TGFA: variants seen among roughly 807,000 people sequenced by gnomAD.
TGFA encodes the protein transforming growth factor alpha, also known as protransforming growth factor alpha.
TGFA carries 12 observed loss-of-function variants against 21.7 expected under a neutral mutation model. That is an observed-to-expected ratio of 0.55 (90% CI 0.35 to 0.90). TGFA has a LOEUF of 0.90. Among genes scored for constraint, TGFA ranks in the 40% least tolerant of loss-of-function variants. The probability of loss-of-function intolerance (pLI) is 0.01; values close to 1 mark genes in which losing one functional copy is unlikely to be tolerated. For synonymous variants in TGFA, 79 were observed against 88.1 expected (o/e 0.90, Z 0.58); for missense variants, 178 against 210.8 (o/e 0.84, Z 0.96).
intron 1 of TGFA, among the ~76,000 whole-genome samples, chr2:70,547,579 A>C (rs1553506112): frequency 6.7e-6 from 1 of 149,952 alleles, no homozygotes; most frequent in African/African-American, 2.4e-5. Flanking sequence ...ACAAACAAAA[A>C]CTATTATGAA....
intron 2 of TGFA, among the ~76,000 whole-genome samples, chr2:70,484,718 A>T (rs782196397): frequency 5.3e-5 from 8 of 152,200 alleles, no homozygotes; most frequent in Admixed American, 6.5e-5. Flanking sequence ...TTCTGTTCTG[A>T]GATAGAATCT....
At chr2:70,548,615 C>T (rs868961330) in intron 1 of TGFA, among the ~76,000 whole-genome samples, 2 of 152,208 alleles carry the variant, frequency 1.3e-5, no homozygotes. Flanking sequence ...GCATAGAACT[C>T]ACTTGATTAG....
At chr2:70,493,435 C>T (rs1327935834) in intron 2 of TGFA, among the ~76,000 whole-genome samples, 7 of 152,166 alleles carry the variant, frequency 4.6e-5, no homozygotes, top group Admixed American at 2.6e-4. Flanking sequence ...TCTTTCAGGA[C>T]ATCTTTGCAG....
At chr2:70,521,321 T>C (rs550884015) in intron 1 of TGFA, among the ~76,000 whole-genome samples, 1 of 152,280 alleles carries the variant, frequency 6.6e-6, no homozygotes, top group Admixed American at 6.5e-5. Flanking sequence ...TGACCCCAGC[T>C]GCCCAGCACT....
chr2:70,476,458 C>A (rs1361234687), intron 2 of TGFA, among the ~76,000 whole-genome samples: 2 of 152,194 alleles, frequency 1.3e-5, no homozygotes, highest in Admixed American at 1.3e-4. Flanking sequence ...GAGCCCAGGG[C>A]TACCTGCCTT....
At chr2:70,471,764 G>A (rs1401360107) in intron 2 of TGFA, among the ~76,000 whole-genome samples, 1 of 152,152 alleles carries the variant, frequency 6.6e-6, no homozygotes, top group East Asian at 1.9e-4. Context: ...TTTAACCTAA[G>A]TAGTCTCCAT....
rs1411277926 is a variant in TGFA at position 70,448,248 on chromosome 2, G to T, written c.*2611C>A. The T allele has an allele frequency of 1.3e-5, 2 of 152,278 alleles. No individual in the cohort carries two copies. Among genetic ancestry groups the T allele is most frequent in the East Asian group, 3.9e-4 (2 of 5,178 alleles). The allele number at this position is 152,278 out of a possible 1,614,324, so 9.4% of individuals were successfully genotyped here. On this transcript the variant is annotated 3_prime_UTR_variant, in exon 6 of 6. Coordinates refer to ENST00000295400, the MANE Select transcript of TGFA (RefSeq NM_003236.4). ...TTTCCTGTCAGGATGCTTAAAAAAA[G>T]TCACAGCCTGTAGAGCAGTGGGAAA... is the stretch of plus-strand genomic sequence containing the variant.
intron 1 of TGFA, among the ~76,000 whole-genome samples, chr2:70,550,155 A>G (rs1034098221): frequency 6.6e-6 from 1 of 152,232 alleles, no homozygotes; most frequent in African/African-American, 2.4e-5. Context: ...CTATGACATC[A>G]TTCTTTAGGT....
intron 1 of TGFA, among the ~76,000 whole-genome samples, chr2:70,551,558 G>A (rs1286212596): frequency 6.6e-6 from 1 of 152,174 alleles, no homozygotes; most frequent in African/African-American, 2.4e-5. Context: ...AAAAATCAGA[G>A]GGGAAAGCAG....
chr2:70,510,165 T>G lies in TGFA; in HGVS notation c.94+4694A>C, dbSNP rs112367872. Among the ~76,000 whole-genome samples the G allele has an allele frequency of 5.5e-3, 833 of 152,338 alleles. 14 individuals carry two copies. The highest frequency in any genetic ancestry group is 0.019 in the African/African-American group (796 of 41,568). Reference sequence around the variant, plus strand: ...TGACACATTCCCCCACGGGTTCCCATGCTGTCTTTTCTCACCTGCATGGGA... The same window carrying G: ...TGACACATTCCCCCACGGGTTCCCAGGCTGTCTTTTCTCACCTGCATGGGA... On this transcript the variant is annotated intron_variant, in intron 2 of 5. Coordinates refer to ENST00000295400, the MANE Select transcript of TGFA (RefSeq NM_003236.4).
chr2:70,471,139 A>C (rs1553493152), intron 2 of TGFA, among the ~76,000 whole-genome samples: 1 of 147,152 alleles, frequency 6.8e-6, no homozygotes, highest in Non-Finnish European at 1.5e-5. Flanking sequence ...AAACTTCTTA[A>C]AAACAAGCAT....
Position 70,473,617 on chromosome 2 carries a change from T to G in TGFA, c.95-7881A>C, listed in dbSNP as rs75988995. ...ACGGAAAGGGAATCCCTGTCACATT[T>G]ACAGTAGGAAATTGATCTCAAGTGT... is the stretch of plus-strand genomic sequence containing the variant. On this transcript the variant is annotated intron_variant, in intron 2 of 5. Transcript: ENST00000295400. Among the ~76,000 whole-genome samples the G allele has an allele frequency of 2.8e-3, 431 of 152,104 alleles. 3 individuals carry two copies. Among genetic ancestry groups the G allele is most frequent in the African/African-American group, 1.0e-2 (414 of 41,466 alleles).
At chr2:70,531,261 G>T (rs1323369157) in intron 1 of TGFA, among the ~76,000 whole-genome samples, 2 of 152,206 alleles carry the variant, frequency 1.3e-5, no homozygotes, top group East Asian at 3.9e-4. Context: ...TACTTCGAGG[G>T]GAGGCAGACA....
chr2:70,498,694 G>A (rs1291855538), intron 2 of TGFA, among the ~76,000 whole-genome samples: 1 of 152,078 alleles, frequency 6.6e-6, no homozygotes, highest in Non-Finnish European at 1.5e-5. Flanking sequence ...ATACATATAT[G>A]ACAGCTTGCA....
chr2:70,544,236 C>T (rs1359307665), intron 1 of TGFA, among the ~76,000 whole-genome samples: 2 of 151,796 alleles, frequency 1.3e-5, no homozygotes, highest in Non-Finnish European at 2.9e-5. Flanking sequence ...TATCTACTGC[C>T]TTTTAAGAAA....
intron 1 of TGFA, among the ~76,000 whole-genome samples, chr2:70,538,965 T>G (rs1673053082): frequency 6.6e-6 from 1 of 152,214 alleles, no homozygotes; most frequent in African/African-American, 2.4e-5. Context: ...TTTAAGAAAT[T>G]GCTCCAGTTA....
intron 1 of TGFA, among the ~76,000 whole-genome samples, chr2:70,535,404 A>G (rs1253025096): frequency 4.6e-5 from 7 of 152,228 alleles, no homozygotes; most frequent in Admixed American, 2.6e-4. Context: ...AATCCACAAA[A>G]TAAATCACCA....
chr2:70,469,251 G>A (rs554519299), intron 2 of TGFA, among the ~76,000 whole-genome samples: 2 of 152,192 alleles, frequency 1.3e-5, no homozygotes, highest in Admixed American at 1.3e-4. Flanking sequence ...AACTTGCTAG[G>A]TGATTTTTTA....
chr2:70,473,104 T>C (rs3755385), intron 2 of TGFA, among the ~76,000 whole-genome samples: 83,411 of 151,910 alleles, frequency 0.55, 23,259 homozygotes, highest in African/African-American at 0.64. Context: ...CATTCCACCC[T>C]GAGGCCAGGC....
Sources: gnomAD v4.1 joint callset for allele counts (sites outside exome capture counted in the v4.1 genomes callset) on GRCh38, gnomAD v4.1.1 for gene constraint, MANE v1.5 for transcripts, NCBI Gene and HGNC (gene_info 2026-07-23, HGNC 2026-07-21) for gene names.